Variants in GAP43 observed in about 807,000 individuals in gnomAD.
GAP43 encodes growth associated protein 43, also known as neuromodulin.
In GAP43, 6 loss-of-function variants were observed where a neutral mutation model predicts 18.6. The ratio of observed to expected loss-of-function variants is 0.32; its 90% CI spans 0.18 to 0.64. The LOEUF is 0.64. Ranked by LOEUF, GAP43 falls within the 30% of genes least tolerant of loss-of-function variation. The pLI is 0.78. For missense variants in GAP43, 292 were observed against 295.5 expected (o/e 0.99, Z 0.09); for synonymous variants, 115 against 111.4 (o/e 1.03, Z -0.20).
chr3:115,676,977 T>C (rs562848731), intron 2 of GAP43, among the ~76,000 whole-genome samples: 2 of 152,334 alleles, frequency 1.3e-5, no homozygotes, highest in African/African-American at 4.8e-5. Context: ...GCTACATATA[T>C]TTTATGGATG....
chr3:115,658,840 A>T (rs1708620252), intron 1 of GAP43: 1 of 152,330 alleles, frequency 6.6e-6, no homozygotes, highest in African/African-American at 2.4e-5. Context: ...TCTCCGCGGG[A>T]GGAGGGCACC....
In GAP43 at chr3:115,721,179, A is replaced by G. The variant is rs1481049084; in HGVS notation, c.*297A>G. On this transcript the variant is annotated 3_prime_UTR_variant, in exon 3 of 3. Coordinates refer to ENST00000305124, the MANE Select transcript of GAP43 (RefSeq NM_002045.4). ...TCATTTTGGGAAATTCTTGCACTGT[A>G]TCCAAGTTATTTGATCTGGTGCGTG... The G allele has an allele frequency of 1.6e-5, 3 of 191,434 alleles. No individual in the cohort carries two copies. The highest frequency in any genetic ancestry group is 3.3e-5 in the Non-Finnish European group (3 of 91,774). The allele number at this position is 191,434 out of a possible 1,614,324, so 11.9% of individuals were successfully genotyped here.
intron 1 of GAP43, among the ~76,000 whole-genome samples, chr3:115,626,817 C>T (rs145672601): frequency 1.6e-3 from 251 of 152,250 alleles, no homozygotes; most frequent in African/African-American, 5.7e-3. Flanking sequence ...TAAATCTTAT[C>T]TCTGAGAGTG....
chr3:115,666,267 G>C (rs1362548479), intron 1 of GAP43, among the ~76,000 whole-genome samples: 1 of 152,102 alleles, frequency 6.6e-6, no homozygotes, highest in East Asian at 1.9e-4. Flanking sequence ...GAACAGAGTT[G>C]AGTACTATGG....
At chr3:115,712,020 G>A (rs1709446135) in intron 2 of GAP43, among the ~76,000 whole-genome samples, 1 of 152,102 alleles carries the variant, frequency 6.6e-6, no homozygotes, top group South Asian at 2.1e-4. Context: ...TCTAGTTGGG[G>A]AAGAAGAGAG....
intron 2 of GAP43, among the ~76,000 whole-genome samples, chr3:115,677,942 A>G (rs1254634397): frequency 6.6e-6 from 1 of 152,272 alleles, no homozygotes; most frequent in Non-Finnish European, 1.5e-5. Flanking sequence ...CTAAAATTCT[A>G]TGAATATGAT....
chr3:115,691,931 A>G (rs981393759), intron 2 of GAP43, among the ~76,000 whole-genome samples: 2 of 152,244 alleles, frequency 1.3e-5, no homozygotes, highest in Non-Finnish European at 2.9e-5. Flanking sequence ...GGTAGATACC[A>G]GCTATAACTT....
At chr3:115,637,103 C>A (rs1708338779) in intron 1 of GAP43, among the ~76,000 whole-genome samples, 1 of 152,070 alleles carries the variant, frequency 6.6e-6, no homozygotes, top group Non-Finnish European at 1.5e-5. Flanking sequence ...TTTGTGAGGG[C>A]TTTCCTGACT....
intron 1 of GAP43, among the ~76,000 whole-genome samples, chr3:115,669,162 G>C (rs1226913796): frequency 6.6e-6 from 1 of 151,912 alleles, no homozygotes; most frequent in Middle Eastern, 3.4e-3. Context: ...CTTTATCTTA[G>C]ATGTATTATT....
At chr3:115,701,560 G>A (rs547636287) in intron 2 of GAP43, among the ~76,000 whole-genome samples, 1 of 151,956 alleles carries the variant, frequency 6.6e-6, no homozygotes, top group Admixed American at 6.6e-5. Context: ...CCAAGACTAA[G>A]GCCTAGCCTT....
chr3:115,633,469 G>A (rs1202765021), intron 1 of GAP43, among the ~76,000 whole-genome samples: 1 of 152,132 alleles, frequency 6.6e-6, no homozygotes, highest in Non-Finnish European at 1.5e-5. Flanking sequence ...CCACATGTGG[G>A]TTAGCTACCC....
chr3:115,653,332 C>T (rs936661230), intron 1 of GAP43, among the ~76,000 whole-genome samples: 1 of 152,058 alleles, frequency 6.6e-6, no homozygotes, highest in African/African-American at 2.4e-5. Context: ...ATCCCACCTA[C>T]TTGGGAGGCT....
intron 1 of GAP43, chr3:115,658,508 G>C (rs2107479182): frequency 6.6e-6 from 1 of 152,358 alleles, no homozygotes; most frequent in Middle Eastern, 3.4e-3. Context: ...GCTGCCGTCA[G>C]TCACCGGCTC....
At chr3:115,715,172 A>AACAC (rs1218308064) in intron 2 of GAP43, among the ~76,000 whole-genome samples, 2 of 152,202 alleles carry the variant, frequency 1.3e-5, no homozygotes, top group African/African-American at 4.8e-5. Context: ...ATTTTGAAGG[A>AACAC]ACACAGACAT....
In GAP43 at chr3:115,623,550, G is replaced by C; in HGVS notation, c.-140G>C. 2.0e-6 allele frequency: 2 copies of C among 1,006,498 alleles called. No individual in the cohort carries two copies. Among genetic ancestry groups the C allele is most frequent in the African/African-American group, 1.6e-5 (1 of 62,226 alleles). The allele number at this position is 1,006,498 out of a possible 1,614,324, so 62.3% of individuals were successfully genotyped here. ...TGCCCTGGTGTGTGTGAGGGAGAGA[G>C]AGGGAGGGAGGGAGAGAGAGCGCGC... On this transcript the variant is annotated 5_prime_UTR_variant, in exon 1 of 3. Coordinates refer to ENST00000305124, the MANE Select transcript of GAP43 (RefSeq NM_002045.4).
At chr3:115,706,596 G>A (rs1018919493) in intron 2 of GAP43, among the ~76,000 whole-genome samples, 5 of 152,188 alleles carry the variant, frequency 3.3e-5, no homozygotes, top group African/African-American at 7.2e-5. Context: ...AGGCATTACT[G>A]CTTAGTAGCC....
At chr3:115,694,485 A>G (rs1476329958) in intron 2 of GAP43, among the ~76,000 whole-genome samples, 1 of 152,248 alleles carries the variant, frequency 6.6e-6, no homozygotes, top group African/African-American at 2.4e-5. Context: ...AATAATACCG[A>G]TGATGATCAA....
chr3:115,662,462 G>T (rs1036572), intron 1 of GAP43, among the ~76,000 whole-genome samples: 23,250 of 152,126 alleles, frequency 0.15, 2,162 homozygotes, highest in South Asian at 0.25. Context: ...GGCTTGGGGA[G>T]AAATTAGGGA....
At chr3:115,686,971 G>A (rs1709043119) in intron 2 of GAP43, among the ~76,000 whole-genome samples, 2 of 152,144 alleles carry the variant, frequency 1.3e-5, no homozygotes, top group Admixed American at 6.5e-5. Flanking sequence ...ATTGCTGAAG[G>A]CAGACATTTT....
Sources: gnomAD v4.1 joint callset for allele counts (sites outside exome capture counted in the v4.1 genomes callset) on GRCh38, gnomAD v4.1.1 for gene constraint, MANE v1.5 for transcripts, NCBI Gene and HGNC (gene_info 2026-07-23, HGNC 2026-07-21) for gene names.